The following LRIG1 variants were observed in gnomAD, a reference collection of about 807,000 sequenced individuals.
The protein encoded by LRIG1 is leucine rich repeats and immunoglobulin like domains 1.
Under a neutral mutation model 99.2 loss-of-function variants are expected in LRIG1, and 48 were observed. The observed-to-expected ratio is 0.48, with a 90% CI of 0.38 to 0.62. LRIG1 has a LOEUF of 0.62. Among genes scored for constraint, LRIG1 ranks in the 20% least tolerant of loss-of-function variants. The pLI, the probability that LRIG1 is intolerant of heterozygous loss-of-function variation, is 0.00. For synonymous variants in LRIG1, 772 were observed against 596.1 expected (o/e 1.29, Z -4.30); for missense variants, 1,646 against 1,434.4 (o/e 1.15, Z -2.38).
In LRIG1 at chr3:66,470,874, GGTTTT is replaced by G. The variant is rs550988687; in HGVS notation, c.219-8370_219-8366del. Among the ~76,000 whole-genome samples the G allele has an allele frequency of 2.9e-3, 445 of 152,194 alleles. 2 individuals are homozygous for G. Among genetic ancestry groups the G allele is most frequent in the Middle Eastern group, 0.024 (7 of 292 alleles). ...AGAAACAAAATAATTAGCTATAATG[GGTTTT>G]GTTTTGTTTTACTTTAAGCAGTCTC... On this transcript the variant is annotated intron_variant, in intron 1 of 18. Transcript: ENST00000273261.
rs762455491 is a variant in LRIG1 at position 66,417,249 on chromosome 3, C to T, written c.383G>A (p.Arg128His). 5.6e-6 allele frequency: 9 copies of T among 1,613,958 alleles called. No homozygotes were observed. Among genetic ancestry groups the T allele is most frequent in the South Asian group, 1.1e-5 (1 of 91,082 alleles). ...CTTCAGCTGGCTCCCCTCCACGCTG[C>T]GAATCTTGTTGTGCTGCCTGAAACA... Reference protein sequence around the residue: ...VSLFLQHNKIRSVEGSQLKAY... With the variant: ...VSLFLQHNKIHSVEGSQLKAY... Residue 128 changes from arginine to histidine, a missense_variant, in exon 4 of 19, where the codon CGC becomes CAC. Transcript: ENST00000273261.
At chr3:66,432,220 C>T (rs998012367) in intron 3 of LRIG1, among the ~76,000 whole-genome samples, 1 of 152,118 alleles carries the variant, frequency 6.6e-6, no homozygotes, top group East Asian at 1.9e-4. Flanking sequence ...CCCCTGCCCC[C>T]GACACTCTCA....
At chr3:66,409,108 G>A (rs1702378629) in intron 7 of LRIG1, among the ~76,000 whole-genome samples, 1 of 152,082 alleles carries the variant, frequency 6.6e-6, no homozygotes, top group Non-Finnish European at 1.5e-5. Context: ...GAGAGAGACA[G>A]GACAGACTGA....
intron 3 of LRIG1, among the ~76,000 whole-genome samples, chr3:66,437,838 G>C (rs1703410135): frequency 1.3e-5 from 2 of 152,126 alleles, no homozygotes; most frequent in South Asian, 4.1e-4. Context: ...TCAGAAGAGG[G>C]GCGGCTATTC....
In LRIG1 at chr3:66,462,434, T is replaced by C; in HGVS notation, c.290+4A>G. ...ATCCACCAGAGGTTTAGGGGGAGAC[T>C]CACACTTCCTGTAGGTTCGGCAAGT... On this transcript the variant is annotated splice_donor_region_variant and intron_variant, in intron 2 of 18. Coordinates refer to ENST00000273261, the MANE Select transcript of LRIG1 (RefSeq NM_015541.3). 6.2e-7 allele frequency: 1 copy of C among 1,609,818 alleles called. No individual in the cohort carries two copies. Among genetic ancestry groups the C allele is most frequent in the South Asian group, 1.1e-5 (1 of 90,390 alleles).
chr3:66,394,430 G>A (rs913651094), intron 11 of LRIG1, among the ~76,000 whole-genome samples: 1 of 152,238 alleles, frequency 6.6e-6, no homozygotes, highest in Non-Finnish European at 1.5e-5. Flanking sequence ...TGGGTCAGGA[G>A]TGGAACCCAC....
At chr3:66,415,547 C>T (rs892002954) in intron 4 of LRIG1, among the ~76,000 whole-genome samples, 1 of 152,208 alleles carries the variant, frequency 6.6e-6, no homozygotes, top group African/African-American at 2.4e-5. Context: ...CTACATAACA[C>T]ATATGTATAA....
chr3:66,496,821 A>C (rs978759355), intron 1 of LRIG1, among the ~76,000 whole-genome samples: 1 of 152,228 alleles, frequency 6.6e-6, no homozygotes, highest in African/African-American at 2.4e-5. Context: ...AACAGGATGG[A>C]AAGTATTTTC....
intron 3 of LRIG1, among the ~76,000 whole-genome samples, chr3:66,449,893 A>G (rs1703845816): frequency 6.6e-6 from 1 of 152,188 alleles, no homozygotes; most frequent in Admixed American, 6.5e-5. Flanking sequence ...TGTTAAATGG[A>G]GCTTCTGATC....
At chr3:66,421,674 G>C (rs906123089) in intron 3 of LRIG1, among the ~76,000 whole-genome samples, 1 of 152,226 alleles carries the variant, frequency 6.6e-6, no homozygotes, top group Non-Finnish European at 1.5e-5. Context: ...CTGGGGTCTA[G>C]AGGACAGTGG....
chr3:66,494,020 G>T (rs990093275), intron 1 of LRIG1, among the ~76,000 whole-genome samples: 2 of 151,584 alleles, frequency 1.3e-5, no homozygotes, highest in Non-Finnish European at 2.9e-5. Flanking sequence ...GGGAGGGAAG[G>T]GGAAGGGAAG....
chr3:66,383,944 T>C (rs752927724), intron 14 of LRIG1, 47 bp downstream of exon 14: 1 of 1,028,418 alleles, frequency 9.7e-7, no homozygotes, highest in Non-Finnish European at 1.3e-6. Flanking sequence ...TCTCTCTCTC[T>C]CGCTCACACA....
intron 8 of LRIG1, chr3:66,405,797 T>G (rs1702248859): frequency 2.5e-6 from 3 of 1,183,234 alleles, no homozygotes; most frequent in Non-Finnish European, 3.2e-6. Context: ...TCCCAAGGCC[T>G]GCAGGGCGCT....
intron 12 of LRIG1, among the ~76,000 whole-genome samples, chr3:66,393,557 G>T (rs1448916404): frequency 6.6e-6 from 1 of 152,240 alleles, no homozygotes; most frequent in African/African-American, 2.4e-5. Flanking sequence ...TGCAAGTGCA[G>T]ATTTCAGTGG....
At chr3:66,443,369 G>GCGGGGGAT (rs1703611300) in intron 3 of LRIG1, among the ~76,000 whole-genome samples, 1 of 148,010 alleles carries the variant, frequency 6.8e-6, no homozygotes, top group South Asian at 2.2e-4. Context: ...TGAGTGAGGG[G>GCGGGGGAT]GTGTGTGTGT....
chr3:66,399,067 T>C (rs1559777209), intron 9 of LRIG1, 26 bp from the exon 10 acceptor site: 2 of 1,592,294 alleles, frequency 1.3e-6, no homozygotes, highest in Non-Finnish European at 1.7e-6. Context: ...ATCCAGAAAT[T>C]AAGGCCAGGG....
intron 1 of LRIG1, among the ~76,000 whole-genome samples, chr3:66,491,141 C>T (rs1701092351): frequency 6.6e-6 from 1 of 152,196 alleles, no homozygotes; most frequent in Non-Finnish European, 1.5e-5. Context: ...CTGCCTCTAA[C>T]TCTATTTAAA....
chr3:66,398,238 T>A (rs1484240133), intron 10 of LRIG1, 55 bp from the exon 11 acceptor site: 3 of 1,388,366 alleles, frequency 2.2e-6, no homozygotes, highest in African/African-American at 1.4e-5. Context: ...ACCTGAGGGG[T>A]TTTCAGGACA....
chr3:66,415,155 A>C, intron 4 of LRIG1, 92 bp from the exon 5 acceptor site: 1 of 1,298,778 alleles, frequency 7.7e-7, no homozygotes, highest in Non-Finnish European at 1.0e-6. Context: ...CTGAGTTGGG[A>C]AGATGAGTTA....
Sources: gnomAD v4.1 joint callset for allele counts (sites outside exome capture counted in the v4.1 genomes callset) on GRCh38, gnomAD v4.1.1 for gene constraint, MANE v1.5 for transcripts, NCBI Gene and HGNC (gene_info 2026-07-23, HGNC 2026-07-21) for gene names.